Variants in TMEM132D observed in about 807,000 individuals in gnomAD.
TMEM132D encodes transmembrane protein 132D, also known as mature OL transmembrane protein.
In TMEM132D, 21 loss-of-function variants were observed where a neutral mutation model predicts 62.3. That is an observed-to-expected ratio of 0.34 (90% confidence interval 0.24 to 0.49). TMEM132D has a LOEUF of 0.49. TMEM132D is among the 20% of genes least tolerant of loss of function. The probability of loss-of-function intolerance (pLI) is 0.99; values close to 1 mark genes in which losing one functional copy is unlikely to be tolerated. For missense variants in TMEM132D, 1,346 were observed against 1,402.8 expected (o/e 0.96, Z 0.65); for synonymous variants, 621 against 575.6 (o/e 1.08, Z -1.13).
At chr12:129,501,927 G>A (rs1001695177) in intron 3 of TMEM132D, among the ~76,000 whole-genome samples, 8 of 151,888 alleles carry the variant, frequency 5.3e-5, no homozygotes, top group Non-Finnish European at 7.4e-5. Flanking sequence ...TCCTCAAACC[G>A]TTACACATTC....
intron 3 of TMEM132D, among the ~76,000 whole-genome samples, chr12:129,490,507 C>T (rs557455400): frequency 4.4e-4 from 61 of 140,108 alleles, no homozygotes; most frequent in African/African-American, 1.6e-3. Context: ...CGGCTCACTG[C>T]AAGCTCCGCC....
intron 5 of TMEM132D, among the ~76,000 whole-genome samples, chr12:129,165,678 T>C (rs976298491): frequency 9.3e-6 from 1 of 107,434 alleles, no homozygotes; most frequent in Non-Finnish European, 2.4e-5. Context: ...CAAACATTTC[T>C]TCTTTTTTTT....
chr12:129,232,247 A>C (rs1879662541), intron 4 of TMEM132D, among the ~76,000 whole-genome samples: 1 of 152,226 alleles, frequency 6.6e-6, no homozygotes, highest in South Asian at 2.1e-4. Context: ...TAGTGATTCC[A>C]GAGTGCCTTC....
At chr12:129,541,537 G>A (rs899430762) in intron 2 of TMEM132D, among the ~76,000 whole-genome samples, 1 of 152,198 alleles carries the variant, frequency 6.6e-6, no homozygotes, top group African/African-American at 2.4e-5. Context: ...TGGCGAGAGA[G>A]GGTAGAGGGA....
chr12:129,672,570 T>C (rs1233795710), intron 2 of TMEM132D, among the ~76,000 whole-genome samples: 1 of 152,148 alleles, frequency 6.6e-6, no homozygotes, highest in African/African-American at 2.4e-5. Flanking sequence ...CGTTTGAGGA[T>C]GAAAGAGAAC....
rs1041044119 is a variant in TMEM132D, at chr12:129,128,994, A to G, written c.1444-44292T>C. ...CACCACATTTTCTTTTCTTTTTTCT[A>G]CTTTACTTTCAGATGCAGGGGATAC... is the stretch of plus-strand genomic sequence containing the variant. On this transcript the variant is annotated intron_variant, in intron 5 of 8. Coordinates refer to ENST00000422113, the MANE Select transcript of TMEM132D (RefSeq NM_133448.3). Among the ~76,000 whole-genome samples, 7 of 151,338 alleles carry G rather than the reference A, an allele frequency of 4.6e-5. 1 individual carries two copies. The highest frequency in any genetic ancestry group is 4.0e-4 in the Admixed American group (6 of 15,188).
rs751708415 is a variant in TMEM132D at position 129,700,094 on chromosome 12, G to A, written c.684C>T (p.Tyr228=). Residue 228 remains tyrosine (Y), a synonymous_variant, in exon 2 of 9, where the codon TAC becomes TAT. Transcript: ENST00000422113. ...QPEGTPVELY[Y]TVHPGGERGD... is the part of the protein sequence containing the mutation. ...CTCTCTCACCCCCTGGGTGCACGGT[G>A]TAGTAGAGCTCCACGGGGGTCCCCT... 47 of 1,613,486 alleles carry A rather than the reference G, an allele frequency of 2.9e-5. No individual in the cohort carries two copies. The Middle Eastern group carries it at 1.2e-3, about 39-fold the overall frequency.
intron 3 of TMEM132D, among the ~76,000 whole-genome samples, chr12:129,529,242 G>A (rs1040553298): frequency 6.6e-6 from 1 of 152,184 alleles, no homozygotes; most frequent in African/African-American, 2.4e-5. Flanking sequence ...TGAAGAATTA[G>A]GGCTTTTAAA....
intron 5 of TMEM132D, among the ~76,000 whole-genome samples, chr12:129,155,809 C>T (rs137949230): frequency 5.3e-5 from 8 of 151,996 alleles, no homozygotes; most frequent in African/African-American, 9.7e-5. Context: ...CCACAAATAA[C>T]CAAACCACTG....
chr12:129,758,599 A>G (rs1870247656), intron 1 of TMEM132D, among the ~76,000 whole-genome samples: 1 of 152,316 alleles, frequency 6.6e-6, no homozygotes, highest in South Asian at 2.1e-4. Context: ...TTGTATAAGA[A>G]AGTGAATGAA....
At chr12:129,258,706 C>T (rs75556873) in intron 4 of TMEM132D, among the ~76,000 whole-genome samples, 1,694 of 152,290 alleles carry the variant, frequency 0.011, 32 homozygotes, top group African/African-American at 0.038. Context: ...CATGTAATAT[C>T]ATTGTGTACC....
chr12:129,097,430 A>G (rs1875151998), intron 5 of TMEM132D, among the ~76,000 whole-genome samples: 1 of 152,254 alleles, frequency 6.6e-6, no homozygotes, highest in African/African-American at 2.4e-5. Flanking sequence ...CTTTCTTAAA[A>G]AAACAAACAT....
At position 129,678,598 on chromosome 12, in the gene TMEM132D, C is replaced by T. The variant is rs569770887; in HGVS notation, c.968+21212G>A. 1.3e-3 allele frequency among the ~76,000 whole-genome samples: 196 copies of T among 152,112 alleles called. 1 individual carries two copies. The highest frequency in any genetic ancestry group is 4.4e-3 in the African/African-American group (182 of 41,524). ...ATTACAAATACCATCCCTAAACTTA[C>T]GGTTTGTCTTTGATTTAAAAAGGGC... On this transcript the variant is annotated intron_variant, in intron 2 of 8. Transcript: ENST00000422113.
intron 1 of TMEM132D, among the ~76,000 whole-genome samples, chr12:129,890,615 C>T (rs868046069): frequency 2.9e-4 from 44 of 152,172 alleles, no homozygotes; most frequent in Admixed American, 2.6e-4. Context: ...AAGAGTTACA[C>T]GAAAGCCAAA....
chr12:129,302,478 T>C (rs1192737197), intron 4 of TMEM132D, among the ~76,000 whole-genome samples: 9 of 152,248 alleles, frequency 5.9e-5, no homozygotes, highest in Non-Finnish European at 1.2e-4. Flanking sequence ...AGGCAGCCCC[T>C]GGCACACAAC....
At chr12:129,599,378 A>G (rs1196724406) in intron 2 of TMEM132D, among the ~76,000 whole-genome samples, 1 of 152,250 alleles carries the variant, frequency 6.6e-6, no homozygotes, top group East Asian at 1.9e-4. Context: ...TTTGAATTAC[A>G]GAGGCATTAC....
intron 2 of TMEM132D, among the ~76,000 whole-genome samples, chr12:129,667,717 T>C (rs1449631876): frequency 1.3e-5 from 2 of 152,110 alleles, no homozygotes. Flanking sequence ...AGTCCAAAAA[T>C]AACATTTATT....
At chr12:129,218,592 G>T (rs1879272203) in intron 4 of TMEM132D, among the ~76,000 whole-genome samples, 1 of 152,220 alleles carries the variant, frequency 6.6e-6, no homozygotes, top group Admixed American at 6.5e-5. Context: ...GCAGTTCATT[G>T]TTGACCGAAA....
chr12:129,775,032 G>T (rs1223978980), intron 1 of TMEM132D, among the ~76,000 whole-genome samples: 4 of 152,106 alleles, frequency 2.6e-5, no homozygotes, highest in African/African-American at 2.4e-5. Flanking sequence ...AACCATTATT[G>T]TTACAGACAT....
Sources: allele counts gnomAD v4.1 joint callset (sites outside exome capture counted in the v4.1 genomes callset), GRCh38; gene constraint gnomAD v4.1.1; transcripts MANE v1.5; gene names NCBI Gene and HGNC (gene_info 2026-07-23, HGNC 2026-07-21).